CALN1: variants seen among roughly 807,000 people sequenced by gnomAD.
The protein encoded by CALN1 is calcium-binding protein 8.
Under a neutral mutation model 30.6 loss-of-function variants are expected in CALN1, and 17 were observed. That is an observed-to-expected ratio of 0.56 (90% CI 0.38 to 0.83). The LOEUF (loss-of-function observed/expected upper bound fraction) is 0.83, where lower values mean the gene tolerates loss of function less well. Ranked by LOEUF, CALN1 falls within the 40% of genes least tolerant of loss-of-function variation. CALN1 has a pLI of 0.00. For missense variants in CALN1, 291 were observed against 354.9 expected (o/e 0.82, Z 1.45); for synonymous variants, 156 against 131.4 (o/e 1.19, Z -1.28).
intron 5 of CALN1, among the ~76,000 whole-genome samples, chr7:71,987,619 G>A (rs1298003373): frequency 6.6e-6 from 1 of 152,200 alleles, no homozygotes; most frequent in Non-Finnish European, 1.5e-5. Flanking sequence ...CCCCATGAGA[G>A]GGGACTGGGC....
intron 5 of CALN1, among the ~76,000 whole-genome samples, chr7:71,821,833 G>A (rs1410202170): frequency 2.8e-5 from 4 of 144,762 alleles, no homozygotes; most frequent in Middle Eastern, 3.3e-3. Context: ...TGTCACCCAC[G>A]CTGGAGTACA....
chr7:72,342,539 C>T (rs1270189028), intron 2 of CALN1, among the ~76,000 whole-genome samples: 1 of 152,148 alleles, frequency 6.6e-6, no homozygotes, highest in African/African-American at 2.4e-5. Context: ...AGGACTTCTC[C>T]TTATCGTGCA....
intron 5 of CALN1, among the ~76,000 whole-genome samples, chr7:71,926,820 T>C (rs1795294684): frequency 6.6e-6 from 1 of 152,346 alleles, no homozygotes; most frequent in Non-Finnish European, 1.5e-5. Context: ...TCTGTTATTG[T>C]ATTTTTTATT....
intron 3 of CALN1, among the ~76,000 whole-genome samples, chr7:72,149,340 C>T (rs537568657): frequency 6.6e-6 from 1 of 152,044 alleles, no homozygotes; most frequent in African/African-American, 2.4e-5. Flanking sequence ...TGGTGGCAGT[C>T]GCCTATAATC....
chr7:72,106,059 G>A, intron 4 of CALN1, 92 bp downstream of exon 4: 1 of 1,467,524 alleles, frequency 6.8e-7, no homozygotes, highest in East Asian at 2.5e-5. Context: ...CAAGTCTCTG[G>A]ATTTAAAAGT....
chr7:72,148,192 T>C (rs1250133297), intron 3 of CALN1, among the ~76,000 whole-genome samples: 1 of 143,860 alleles, frequency 7.0e-6, no homozygotes, highest in East Asian at 2.0e-4. Flanking sequence ...TGGGGCTTGG[T>C]AGATGATGTT....
chr7:72,084,018 G>T (rs1805324532), intron 4 of CALN1, among the ~76,000 whole-genome samples: 1 of 151,724 alleles, frequency 6.6e-6, no homozygotes, highest in Non-Finnish European at 1.5e-5. Flanking sequence ...AGACCAGCCT[G>T]GCTAACATAG....
At chr7:72,472,437 T>C in the CALN1 span, among the ~76,000 whole-genome samples, 2 of 152,060 alleles carry the variant, frequency 1.3e-5, no homozygotes, top group African/African-American at 4.8e-5. Flanking sequence ...CCCCCACCCA[T>C]TGGCCAGATC....
At position 71,787,683 on chromosome 7, in the gene CALN1, T is replaced by C. The variant is rs539805217; in HGVS notation, c.*92A>G. ...ATCGTCCGCATCCATCCATAGTCCA[T>C]AGGTCCGTGTCTGCTGTGTGGAGGA... is the stretch of plus-strand genomic sequence containing the variant. On this transcript the variant is annotated 3_prime_UTR_variant, in exon 7 of 7. Coordinates refer to ENST00000395275, the MANE Select transcript of CALN1 (RefSeq NM_031468.4). 8 of 1,536,620 alleles carry C rather than the reference T, an allele frequency of 5.2e-6. No individual in the cohort carries two copies. The highest frequency in any genetic ancestry group is 4.1e-5 in the African/African-American group (3 of 73,842).
chr7:72,339,993 T>G (rs1321218674), intron 2 of CALN1, among the ~76,000 whole-genome samples: 1 of 152,098 alleles, frequency 6.6e-6, no homozygotes, highest in Non-Finnish European at 1.5e-5. Flanking sequence ...ACATAACATC[T>G]TAGTGTCCTT....
At position 72,257,470 on chromosome 7, in the gene CALN1, G is replaced by A. The variant is rs529823873; in HGVS notation, c.244+21216C>T. Reference sequence around the variant, plus strand: ...TTAAAAATAAAAAAAAATAGATGTTGGCATGGTTGTGGTGAAAAGGGAACA... The same window carrying A: ...TTAAAAATAAAAAAAAATAGATGTTAGCATGGTTGTGGTGAAAAGGGAACA... On this transcript the variant is annotated intron_variant, in intron 3 of 6. Transcript: ENST00000395275. Among the ~76,000 whole-genome samples, 10 of 152,218 alleles carry A rather than the reference G, an allele frequency of 6.6e-5. 1 individual carries two copies. In the South Asian group the frequency reaches 2.1e-3, roughly 32 times the overall value.
At chr7:72,212,012 A>T (rs1792432066) in intron 3 of CALN1, among the ~76,000 whole-genome samples, 1 of 152,112 alleles carries the variant, frequency 6.6e-6, no homozygotes, top group East Asian at 1.9e-4. Flanking sequence ...TGGCTCCTAG[A>T]TATCTGATTA....
At chr7:72,352,021 G>A (rs1261577742) in intron 2 of CALN1, among the ~76,000 whole-genome samples, 1 of 152,206 alleles carries the variant, frequency 6.6e-6, no homozygotes, top group Non-Finnish European at 1.5e-5. Flanking sequence ...GCTCATGCCT[G>A]TAATCCCAGC....
At chr7:72,009,002 A>G (rs555639945) in intron 5 of CALN1, among the ~76,000 whole-genome samples, 16 of 152,292 alleles carry the variant, frequency 1.1e-4, no homozygotes, top group African/African-American at 3.8e-4. Context: ...ATGCTAATAA[A>G]CTAAGTAATT....
chr7:72,172,038 G>A (rs878999726), intron 3 of CALN1, among the ~76,000 whole-genome samples: 3 of 152,144 alleles, frequency 2.0e-5, no homozygotes, highest in Non-Finnish European at 2.9e-5. Flanking sequence ...TCTGCTGGTC[G>A]TTTTGCAATT....
At chr7:71,858,693 T>C (rs1791091947) in intron 5 of CALN1, among the ~76,000 whole-genome samples, 1 of 152,114 alleles carries the variant, frequency 6.6e-6, no homozygotes, top group Admixed American at 6.6e-5. Context: ...GTGTGTTCAG[T>C]GAAAGGCCAA....
At chr7:72,366,944 GATAA>G (rs1803911999) in intron 2 of CALN1, among the ~76,000 whole-genome samples, 1 of 152,016 alleles carries the variant, frequency 6.6e-6, no homozygotes. Flanking sequence ...CAATAAAATG[GATAA>G]ATAAATTATG....
chr7:72,350,785 TTA>T (rs1234847128), intron 2 of CALN1, among the ~76,000 whole-genome samples: 11 of 5,226 alleles, frequency 2.1e-3, no homozygotes, highest in Non-Finnish European at 0.013. Flanking sequence ...AAAGTAAAAG[TTA>T]AAAAAAAATA....
intron 1 of CALN1, among the ~76,000 whole-genome samples, chr7:72,423,816 C>CA (rs965346993): frequency 0.031 from 2,652 of 84,868 alleles, 74 homozygotes; most frequent in African/African-American, 0.11. Flanking sequence ...GACCTTGTCT[C>CA]AAAAAAAAAA....
Sources: gnomAD v4.1 joint callset for allele counts (sites outside exome capture counted in the v4.1 genomes callset) on GRCh38, gnomAD v4.1.1 for gene constraint, MANE v1.5 for transcripts, NCBI Gene and HGNC (gene_info 2026-07-23, HGNC 2026-07-21) for gene names.